Variants in NCAM1 observed in about 807,000 individuals in gnomAD.
NCAM1 encodes neural cell adhesion molecule 1, also known as antigen recognized by monoclonal antibody 5.1H11.
A neutral mutation model predicts 109.8 loss-of-function variants in NCAM1; 14 were observed. That is an observed-to-expected ratio of 0.13 (90% CI 0.08 to 0.20). The LOEUF (loss-of-function observed/expected upper bound fraction) is 0.20, where lower values mean the gene tolerates loss of function less well. Among genes scored for constraint, NCAM1 ranks in the 10% least tolerant of loss-of-function variants. NCAM1 has a pLI of 1.00. For synonymous variants in NCAM1, 418 were observed against 442.9 expected (o/e 0.94, Z 0.70); for missense variants, 774 against 1,109.9 (o/e 0.70, Z 4.30).
At position 113,097,328 on chromosome 11, in the gene NCAM1, A is replaced by G. The variant is rs181299053; in HGVS notation, c.53-105051A>G. On this transcript the variant is annotated intron_variant, in intron 1 of 19. Transcript: ENST00000316851. ...TTCTGTATGCCAGACACCTGCACAA[A>G]TGATAACTCATTTAAGGGTAGGTTT... 3.2e-4 allele frequency among the ~76,000 whole-genome samples: 49 copies of G among 152,356 alleles called. No homozygotes were observed. The South Asian group carries it at 8.5e-3, about 26-fold the overall frequency.
intron 16 of NCAM1, among the ~76,000 whole-genome samples, chr11:113,257,499 C>G (rs1014392104): frequency 6.6e-6 from 1 of 152,238 alleles, no homozygotes; most frequent in African/African-American, 2.4e-5. Flanking sequence ...TAAATGGTCA[C>G]TATGGTTACT....
intron 17 of NCAM1, chr11:113,264,964 G>C (rs1388473555): frequency 1.0e-6 from 1 of 985,468 alleles, no homozygotes; most frequent in African/African-American, 1.7e-5. Context: ...CCCTGCAGGA[G>C]TGAGTGCACC....
intron 1 of NCAM1, among the ~76,000 whole-genome samples, chr11:113,091,954 T>C (rs1168907514): frequency 1.3e-5 from 2 of 152,110 alleles, no homozygotes; most frequent in Non-Finnish European, 1.5e-5. Context: ...CCACCAATTC[T>C]TTCTTAAGTA....
intron 1 of NCAM1, among the ~76,000 whole-genome samples, chr11:113,168,801 T>C (rs1942892526): frequency 6.6e-6 from 1 of 152,190 alleles, no homozygotes; most frequent in Non-Finnish European, 1.5e-5. Context: ...ACAGCATTTT[T>C]TAATCAATGG....
At chr11:113,093,096 G>A (rs1227617583) in intron 1 of NCAM1, among the ~76,000 whole-genome samples, 4 of 152,122 alleles carry the variant, frequency 2.6e-5, no homozygotes, top group Admixed American at 6.5e-5. Flanking sequence ...AACAAACACC[G>A]AGCATTAGAA....
intron 1 of NCAM1, among the ~76,000 whole-genome samples, chr11:113,175,864 T>A (rs1333444065): frequency 2.6e-5 from 4 of 152,152 alleles, no homozygotes; most frequent in African/African-American, 9.7e-5. Flanking sequence ...ATGGGAATAC[T>A]ACTAAAATTA....
chr11:113,076,946 GTGAA>G (rs1182433646), intron 1 of NCAM1, among the ~76,000 whole-genome samples: 2 of 152,194 alleles, frequency 1.3e-5, no homozygotes, highest in Non-Finnish European at 2.9e-5. Flanking sequence ...CAATTTGATT[GTGAA>G]TATGACTACT....
chr11:113,089,122 G>A lies in NCAM1; in HGVS notation c.53-113257G>A, dbSNP rs1213575110. On this transcript the variant is annotated intron_variant, in intron 1 of 19. Coordinates refer to ENST00000316851, the MANE Select transcript of NCAM1 (RefSeq NM_181351.5). The stretch of plus-strand genomic sequence containing the variant: ...AAGGTCAAAAGTTTGAGACCAGCCC[G>A]GCCAACATGGTGAAACCCTGTCTCT... Among the ~76,000 whole-genome samples, 4 of 152,080 alleles carry A rather than the reference G, an allele frequency of 2.6e-5. No homozygotes were observed. The East Asian group carries it at 5.8e-4, about 22-fold the overall frequency.
At position 113,146,727 on chromosome 11, in the gene NCAM1, TG is replaced by T. The variant is rs1430832321; in HGVS notation, c.53-55649del. Among the ~76,000 whole-genome samples, 5 of 152,310 alleles carry T rather than the reference TG, an allele frequency of 3.3e-5. No individual in the cohort carries two copies. In the East Asian group the frequency reaches 7.7e-4, roughly 24 times the overall value. Reference sequence around the variant, plus strand: ...CAATGGTTGCTAGGCAGAGGCCATCTGGGACTGGACAAGGCCTAGCGAAGGC... The same window carrying T: ...CAATGGTTGCTAGGCAGAGGCCATCTGGACTGGACAAGGCCTAGCGAAGGC... On this transcript the variant is annotated intron_variant, in intron 1 of 19. Transcript: ENST00000316851.
At chr11:113,194,837 T>A (rs1184502727) in intron 1 of NCAM1, among the ~76,000 whole-genome samples, 1 of 152,230 alleles carries the variant, frequency 6.6e-6, no homozygotes, top group African/African-American at 2.4e-5. Context: ...TTAGACAGCA[T>A]TTCCCAAGGG....
intron 8 of NCAM1, among the ~76,000 whole-genome samples, chr11:113,216,210 G>A (rs557462782): frequency 1.4e-4 from 20 of 146,202 alleles, no homozygotes; most frequent in African/African-American, 4.8e-4. Flanking sequence ...GTGCAGTGGC[G>A]CGATCTCGGC....
chr11:113,265,776 G>C (rs1004947491), intron 17 of NCAM1, among the ~76,000 whole-genome samples: 16 of 152,132 alleles, frequency 1.1e-4, no homozygotes, highest in African/African-American at 3.4e-4. Context: ...TGGGAGTCTT[G>C]GGGGTGAAAA....
chr11:112,999,795 G>A (rs566087104), intron 1 of NCAM1, among the ~76,000 whole-genome samples: 49 of 152,216 alleles, frequency 3.2e-4, no homozygotes, highest in Non-Finnish European at 6.3e-4. Flanking sequence ...CTGCAGGAGA[G>A]GTTTGGGCAA....
chr11:113,218,511 T>C (rs990743347), intron 8 of NCAM1, among the ~76,000 whole-genome samples: 2 of 152,216 alleles, frequency 1.3e-5, no homozygotes, highest in Non-Finnish European at 2.9e-5. Context: ...CATTCAACCA[T>C]AGACATATAG....
At chr11:113,075,366 G>C (rs1432040939) in intron 1 of NCAM1, among the ~76,000 whole-genome samples, 1 of 152,084 alleles carries the variant, frequency 6.6e-6, no homozygotes, top group African/African-American at 2.4e-5. Context: ...TACTGCACCT[G>C]GTCCTGATTA....
chr11:112,991,031 A>G (rs1186146093), intron 1 of NCAM1, among the ~76,000 whole-genome samples: 1 of 152,002 alleles, frequency 6.6e-6, no homozygotes, highest in Admixed American at 6.6e-5. Flanking sequence ...CCACCATCTT[A>G]CCGGTGTTCT....
At chr11:113,168,204 G>A (rs1942871257) in intron 1 of NCAM1, among the ~76,000 whole-genome samples, 1 of 152,198 alleles carries the variant, frequency 6.6e-6, no homozygotes. Context: ...TATATACACA[G>A]TGAATGCGTT....
chr11:112,989,556 A>G lies in NCAM1; in HGVS notation c.52+27892A>G, dbSNP rs184826319. 3.0e-3 allele frequency among the ~76,000 whole-genome samples: 458 copies of G among 152,176 alleles called. 1 individual carries two copies. Among genetic ancestry groups the G allele is most frequent in the African/African-American group, 0.01 (433 of 41,530 alleles). On this transcript the variant is annotated intron_variant, in intron 1 of 19. Transcript: ENST00000316851. ...TAGTTGTCTAATTGTATTGTTTTGCATCTCATTGAACTTCATTAATATGAT... is the reference window on the plus strand; with the variant it reads ...TAGTTGTCTAATTGTATTGTTTTGCGTCTCATTGAACTTCATTAATATGAT...
intron 1 of NCAM1, among the ~76,000 whole-genome samples, chr11:113,188,202 G>A (rs1555109210): frequency 6.6e-6 from 1 of 152,120 alleles, no homozygotes; most frequent in Non-Finnish European, 1.5e-5. Context: ...CAAAAGACGG[G>A]CATGTCGGGG....
Sources: gnomAD v4.1 joint callset for allele counts (sites outside exome capture counted in the v4.1 genomes callset) on GRCh38, gnomAD v4.1.1 for gene constraint, MANE v1.5 for transcripts, NCBI Gene and HGNC (gene_info 2026-07-23, HGNC 2026-07-21) for gene names.